CNTN5: variants seen among roughly 807,000 people sequenced by gnomAD.
The protein encoded by CNTN5 is contactin 5, also known as contactin-5.
A neutral mutation model predicts 129.1 loss-of-function variants in CNTN5; 77 were observed. The observed-to-expected ratio is 0.60, with a 90% CI of 0.50 to 0.72. The LOEUF (loss-of-function observed/expected upper bound fraction) is 0.72. Among genes scored for constraint, CNTN5 ranks in the 30% least tolerant of loss-of-function variants. CNTN5 has a pLI of 0.00. For missense variants in CNTN5, 1,478 were observed against 1,328.8 expected, an observed-to-expected ratio of 1.11 and a Z score of -1.75; for synonymous variants, 509 against 465.6, an observed-to-expected ratio of 1.09 and a Z score of -1.20.
intron 2 of CNTN5, among the ~76,000 whole-genome samples, chr11:99,435,824 C>T (rs1350761247): frequency 6.6e-6 from 1 of 152,106 alleles, no homozygotes; most frequent in Non-Finnish European, 1.5e-5. Flanking sequence ...CATTTATTCT[C>T]ATATTTGTGG....
intron 1 of CNTN5, among the ~76,000 whole-genome samples, chr11:99,242,940 G>GGC (rs1186685174): frequency 9.9e-5 from 15 of 152,074 alleles, no homozygotes; most frequent in Non-Finnish European, 1.9e-4. Flanking sequence ...GTGCTGTGAT[G>GGC]AACCTGAGAG....
intron 1 of CNTN5, among the ~76,000 whole-genome samples, chr11:99,278,050 A>G (rs992960835): frequency 2.6e-5 from 4 of 151,712 alleles, no homozygotes; most frequent in African/African-American, 9.7e-5. Context: ...TACACAAAGA[A>G]AGCAAAGCCT....
At chr11:99,631,245 T>C (rs542705317) in intron 3 of CNTN5, among the ~76,000 whole-genome samples, 1 of 152,250 alleles carries the variant, frequency 6.6e-6, no homozygotes, top group African/African-American at 2.4e-5. Flanking sequence ...AAACATTTGA[T>C]TTTTAATAAG....
intron 3 of CNTN5, among the ~76,000 whole-genome samples, chr11:99,716,698 G>A (rs1955251044): frequency 6.6e-6 from 1 of 151,980 alleles, no homozygotes; most frequent in Non-Finnish European, 1.5e-5. Context: ...CTTTTGTATG[G>A]GGGTAAGGAT....
At chr11:100,104,636 C>T (rs750925612) in intron 13 of CNTN5, among the ~76,000 whole-genome samples, 1 of 151,978 alleles carries the variant, frequency 6.6e-6, no homozygotes, top group Non-Finnish European at 1.5e-5. Flanking sequence ...TGGGTTATAT[C>T]GATTAATAGA....
intron 15 of CNTN5, among the ~76,000 whole-genome samples, chr11:100,194,844 T>C (rs1331166700): frequency 6.7e-6 from 1 of 150,230 alleles, no homozygotes; most frequent in South Asian, 2.1e-4. Flanking sequence ...CATTTTCCAA[T>C]GTAACAAAAA....
intron 3 of CNTN5, among the ~76,000 whole-genome samples, chr11:99,787,616 AAAAG>A (rs1204532904): frequency 6.6e-6 from 1 of 151,992 alleles, no homozygotes; most frequent in African/African-American, 2.4e-5. Flanking sequence ...GCTGAAGAAG[AAAAG>A]AACAGAAATG....
intron 9 of CNTN5, among the ~76,000 whole-genome samples, chr11:100,038,203 T>G (rs1257611873): frequency 6.6e-6 from 1 of 152,180 alleles, no homozygotes; most frequent in Non-Finnish European, 1.5e-5. Flanking sequence ...ACATCTTTAT[T>G]TCTGCCTTCA....
At chr11:99,677,765 G>A (rs562934253) in intron 3 of CNTN5, among the ~76,000 whole-genome samples, 2 of 152,048 alleles carry the variant, frequency 1.3e-5, no homozygotes, top group African/African-American at 2.4e-5. Flanking sequence ...GTATAAATAC[G>A]TGTATGTACC....
chr11:99,623,471 A>T (rs910324402), intron 3 of CNTN5, among the ~76,000 whole-genome samples: 4 of 152,124 alleles, frequency 2.6e-5, no homozygotes, highest in Non-Finnish European at 5.9e-5. Context: ...AGGAGGTAGC[A>T]TCCATTTTCC....
chr11:99,578,291 G>A (rs1240368926), intron 3 of CNTN5, among the ~76,000 whole-genome samples: 2 of 151,828 alleles, frequency 1.3e-5, no homozygotes, highest in Non-Finnish European at 2.9e-5. Flanking sequence ...ATAAACATAC[G>A]TGTGCATGTG....
At chr11:99,741,811 A>G (rs1186010162) in intron 3 of CNTN5, among the ~76,000 whole-genome samples, 1 of 152,010 alleles carries the variant, frequency 6.6e-6, no homozygotes, top group African/African-American at 2.4e-5. Context: ...TTTCCATTAC[A>G]TTTACATATC....
chr11:100,037,004 T>C (rs972536013), intron 9 of CNTN5, among the ~76,000 whole-genome samples: 1 of 151,830 alleles, frequency 6.6e-6, no homozygotes. Context: ...TCCAACACTA[T>C]GTTGAATAGG....
chr11:99,910,147 A>G (rs1949620647), intron 6 of CNTN5, among the ~76,000 whole-genome samples: 1 of 152,030 alleles, frequency 6.6e-6, no homozygotes, highest in African/African-American at 2.4e-5. Context: ...GTGAGTTCTT[A>G]TTCTTGTTAC....
intron 6 of CNTN5, among the ~76,000 whole-genome samples, chr11:99,910,894 T>C (rs1405332194): frequency 2.0e-5 from 3 of 152,098 alleles, no homozygotes; most frequent in Non-Finnish European, 4.4e-5. Context: ...ATCCTGATGA[T>C]AGTAACAGGA....
At chr11:99,601,496 T>A (rs1295045344) in intron 3 of CNTN5, among the ~76,000 whole-genome samples, 3 of 152,198 alleles carry the variant, frequency 2.0e-5, no homozygotes, top group Non-Finnish European at 2.9e-5. Context: ...TGCCTAGAAA[T>A]ATCCCTTGAG....
chr11:99,247,612 T>C lies in CNTN5; in HGVS notation c.-209-77734T>C, dbSNP rs1861879802. Among the ~76,000 whole-genome samples, 6 of 125,288 alleles carry C rather than the reference T, an allele frequency of 4.8e-5. No individual in the cohort carries two copies. In the South Asian group the frequency reaches 1.4e-3, roughly 30 times the overall value. 82.2% of individuals were successfully genotyped at this position (125,288 alleles called of 152,430 possible). On this transcript the variant is annotated intron_variant, in intron 1 of 24. Coordinates refer to ENST00000524871, the MANE Select transcript of CNTN5 (RefSeq NM_014361.4). ...ATCTCCTAATGCTATCCCTCCCCCT[T>C]TCCCCCATCCCACAACAGGCCCTGG...
intron 2 of CNTN5, among the ~76,000 whole-genome samples, chr11:99,518,261 A>G (rs1947135829): frequency 1.3e-5 from 2 of 152,146 alleles, no homozygotes; most frequent in Non-Finnish European, 2.9e-5. Flanking sequence ...CATTCACAGG[A>G]AAGCAGCATT....
intron 2 of CNTN5, among the ~76,000 whole-genome samples, chr11:99,501,145 A>T (rs1034593092): frequency 6.6e-6 from 1 of 152,176 alleles, no homozygotes; most frequent in African/African-American, 2.4e-5. Context: ...ATATTTGCTG[A>T]GTGGGTAATT....
Sources: gnomAD v4.1 joint callset for allele counts (sites outside exome capture counted in the v4.1 genomes callset) on GRCh38, gnomAD v4.1.1 for gene constraint, MANE v1.5 for transcripts, NCBI Gene and HGNC (gene_info 2026-07-23, HGNC 2026-07-21) for gene names.